DENND2B: variants seen among roughly 807,000 people sequenced by gnomAD.
DENND2B encodes the protein DENN domain containing 2B, also known as DENN domain-containing protein 2B.
DENND2B carries 32 observed loss-of-function variants against 116.0 expected under a neutral mutation model. That is an observed-to-expected ratio of 0.28 (90% CI 0.21 to 0.37). The LOEUF (loss-of-function observed/expected upper bound fraction) is 0.37, where lower values mean the gene tolerates loss of function less well. Among genes scored for constraint, DENND2B ranks in the 10% least tolerant of loss-of-function variants. The pLI, the probability that DENND2B is intolerant of heterozygous loss-of-function variation, is 1.00. For missense variants in DENND2B, 1,276 were observed against 1,477.7 expected, an observed-to-expected ratio of 0.86 and a Z score of 2.24; for synonymous variants, 588 against 583.9, an observed-to-expected ratio of 1.01 and a Z score of -0.10.
intron 5 of DENND2B, among the ~76,000 whole-genome samples, chr11:8,717,163 T>C (rs1186419885): frequency 6.6e-6 from 1 of 152,224 alleles, no homozygotes; most frequent in Non-Finnish European, 1.5e-5. Context: ...GAGCTTCCTT[T>C]GGCTTTTCAC....
At chr11:8,742,357 A>T (rs2050374299) in intron 2 of DENND2B, among the ~76,000 whole-genome samples, 1 of 152,154 alleles carries the variant, frequency 6.6e-6, no homozygotes. Flanking sequence ...GGTTGGCAGT[A>T]GATGTCTGGA....
At chr11:8,819,254 C>T (rs1241957859) in intron 4 of DENND2B, among the ~76,000 whole-genome samples, 2 of 152,010 alleles carry the variant, frequency 1.3e-5, no homozygotes, top group Admixed American at 6.5e-5. Flanking sequence ...AACAGCCAGG[C>T]GTGGTGGCAC....
chr11:8,823,073 AG>A (rs1178549756), intron 4 of DENND2B, among the ~76,000 whole-genome samples: 1 of 150,380 alleles, frequency 6.6e-6, no homozygotes, highest in Non-Finnish European at 1.5e-5. Context: ...AGCAATAGCT[AG>A]TAAGTGATCC....
intron 5 of DENND2B, among the ~76,000 whole-genome samples, chr11:8,716,923 G>A (rs2044955260): frequency 6.6e-6 from 1 of 152,176 alleles, no homozygotes; most frequent in Non-Finnish European, 1.5e-5. Flanking sequence ...GATTACATGC[G>A]TGAGCCACCA....
At position 8,697,580 on chromosome 11, in the gene DENND2B, A is replaced by T; in HGVS notation, c.2997T>A (p.Ala999=). 1 of 1,614,232 alleles carries T rather than the reference A, an allele frequency of 6.2e-7. No homozygotes were observed. The highest frequency in any genetic ancestry group is 8.5e-7 in the Non-Finnish European group (1 of 1,180,024). ...AGATCAGCTCATTCTTCCTCTCCAG[A>T]GCCTGCTCCAGAGCTGCCTGTAACT... ...PRKLQAALEQ[A]LERKNELISQ... is the part of the protein sequence containing the mutation. The change falls in exon 17 of 20, where the codon GCT becomes GCA. Residue 999 remains alanine, a synonymous_variant. Coordinates refer to ENST00000313726, the MANE Select transcript of DENND2B (RefSeq NM_213618.2).
chr11:8,733,507 G>A (rs1346838104), intron 2 of DENND2B, among the ~76,000 whole-genome samples: 7 of 152,196 alleles, frequency 4.6e-5, no homozygotes, highest in African/African-American at 1.2e-4. Context: ...ATGTCCTCGT[G>A]AAGCTTATAT....
chr11:8,718,425 C>T (rs1180315922), intron 4 of DENND2B: 1 of 1,526,958 alleles, frequency 6.5e-7, no homozygotes, highest in African/African-American at 1.4e-5. Context: ...GCCCCCTTCT[C>T]ACCTACGATG....
At chr11:8,697,695 C>T in intron 16 of DENND2B, 59 bp from the exon 17 acceptor site, 1 of 1,145,868 alleles carries the variant, frequency 8.7e-7, no homozygotes, top group Non-Finnish European at 1.3e-6. Context: ...TTACTATGTG[C>T]TAAGACCTGT....
Position 8,806,605 on chromosome 11 carries a change from A to AACACAC in DENND2B, c.-26+3906_-26+3911dup, listed in dbSNP as rs71059180. ...ATTTAACACCCTCCTCTCCCTTCAAAACACACACACACACACACACACACA... is the reference window on the plus strand; with the variant it reads ...ATTTAACACCCTCCTCTCCCTTCAAAACACACACACACACACACACACACACACACA... On this transcript the variant is annotated intron_variant, in intron 1 of 19. Coordinates refer to ENST00000313726, the MANE Select transcript of DENND2B (RefSeq NM_213618.2). Among the ~76,000 whole-genome samples, 643 of 118,558 alleles carry AACACAC rather than the reference A, an allele frequency of 5.4e-3. 5 individuals are homozygous for AACACAC. The highest frequency in any genetic ancestry group is 0.012 in the African/African-American group (376 of 32,406). The allele number at this position is 118,558 out of a possible 152,430, so 77.8% of individuals were successfully genotyped here.
chr11:8,898,368 A>G (rs1303815153), intron 1 of DENND2B, among the ~76,000 whole-genome samples: 2 of 152,232 alleles, frequency 1.3e-5, no homozygotes, highest in Admixed American at 1.3e-4. Context: ...CTCATAAAAA[A>G]TAAAATAAAA....
chr11:8,811,592 C>T (rs2061376176), upstream of DENND2B: 1 of 363,468 alleles, frequency 2.8e-6, no homozygotes, highest in Admixed American at 4.6e-5. Flanking sequence ...CCCATCCTGT[C>T]CCTTCCTCTC....
At chr11:8,828,457 G>A (rs1200173047) in intron 4 of DENND2B, among the ~76,000 whole-genome samples, 1 of 152,068 alleles carries the variant, frequency 6.6e-6, no homozygotes, top group Non-Finnish European at 1.5e-5. Flanking sequence ...GGGAAGCTGG[G>A]GGTCAGGACG....
At chr11:8,833,602 A>G (rs2062302389) in intron 4 of DENND2B, among the ~76,000 whole-genome samples, 1 of 152,104 alleles carries the variant, frequency 6.6e-6, no homozygotes, top group Non-Finnish European at 1.5e-5. Flanking sequence ...GAACCCTTCC[A>G]ACTTCATGTC....
chr11:8,811,665 T>G (rs1297301923), upstream of DENND2B: 2 of 232,450 alleles, frequency 8.6e-6, no homozygotes, highest in African/African-American at 4.5e-5. Flanking sequence ...TTTTGTTTGA[T>G]CCTCATAACC....
intron 1 of DENND2B, among the ~76,000 whole-genome samples, chr11:8,909,457 G>GAGA (rs1162325663): frequency 2.0e-5 from 3 of 151,802 alleles, no homozygotes; most frequent in African/African-American, 7.3e-5. Context: ...GAAGGAGAAG[G>GAGA]AGAAGGAGAA....
At chr11:8,791,581 A>G (rs889734046) in intron 1 of DENND2B, among the ~76,000 whole-genome samples, 3 of 152,022 alleles carry the variant, frequency 2.0e-5, no homozygotes, top group African/African-American at 7.2e-5. Flanking sequence ...AGCCTGGGCA[A>G]CTAGTGAAAC....
At chr11:8,755,577 C>A (rs760226154) in intron 1 of DENND2B, among the ~76,000 whole-genome samples, 1 of 152,070 alleles carries the variant, frequency 6.6e-6, no homozygotes, top group African/African-American at 2.4e-5. Flanking sequence ...AAGGTGAATA[C>A]GGCAGATGCT....
intron 4 of DENND2B, among the ~76,000 whole-genome samples, chr11:8,832,396 G>T (rs2062244613): frequency 6.6e-6 from 1 of 150,818 alleles, no homozygotes; most frequent in African/African-American, 2.4e-5. Flanking sequence ...AGGTTGCTGT[G>T]GGCCGAGATT....
chr11:8,697,495 G>C (rs1280318941), intron 17 of DENND2B, 30 bp downstream of exon 17: 1 of 1,572,886 alleles, frequency 6.4e-7, no homozygotes, highest in African/African-American at 1.4e-5. Context: ...GCCTGGAGCA[G>C]AGCTGACCGT....
Sources: allele counts gnomAD v4.1 joint callset (sites outside exome capture counted in the v4.1 genomes callset), GRCh38; gene constraint gnomAD v4.1.1; transcripts MANE v1.5; gene names NCBI Gene and HGNC (gene_info 2026-07-23, HGNC 2026-07-21).